Variants in FKBP3 observed in about 807,000 individuals in gnomAD.
The protein encoded by FKBP3 is peptidyl-prolyl cis-trans isomerase FKBP3.
FKBP3 carries 21 observed loss-of-function variants against 30.6 expected under a neutral mutation model. The ratio of observed to expected loss-of-function variants is 0.69; its 90% CI spans 0.49 to 0.99. The LOEUF (loss-of-function observed/expected upper bound fraction) is 0.99. Ranked by LOEUF, FKBP3 falls within the 50% of genes least tolerant of loss-of-function variation. The pLI is 0.00. For synonymous variants in FKBP3, 82 were observed against 91.3 expected (o/e 0.90, Z 0.58); for missense variants, 283 against 261.6 (o/e 1.08, Z -0.56).
chr14:45,130,825 CAAGAT>C (rs752322096), intron 1 of FKBP3, 25 bp from the exon 2 acceptor site: 58 of 1,379,180 alleles, frequency 4.2e-5, no homozygotes, highest in Non-Finnish European at 5.3e-5. Flanking sequence ...GCTGGGTAAT[CAAGAT>C]AACTTCTCCC....
chr14:45,123,602 CTTTTTTTTTTTTTTTTTT>C (rs200242313), intron 3 of FKBP3, among the ~76,000 whole-genome samples: 12 of 84,300 alleles, frequency 1.4e-4, no homozygotes, highest in Admixed American at 9.1e-4. Flanking sequence ...CTCTCTACTC[CTTTTTTTTTTTTTTTTTT>C]TTTTTTTTTT....
Position 45,130,775 on chromosome 14 carries a change from C to T in FKBP3, c.134G>A (p.Gly45Glu). The T allele has an allele frequency of 6.2e-7, 1 of 1,608,814 alleles. No homozygotes were observed. The highest frequency in any genetic ancestry group is 1.3e-5 in the African/African-American group (1 of 74,754). Residue 45 changes from glycine to glutamate, a missense_variant, in exon 2 of 7, where the codon GGA becomes GAA. Gly to Glu is a moderately conservative substitution (Grantham distance 98, BLOSUM62 -2). Coordinates refer to ENST00000396062, the MANE Select transcript of FKBP3 (RefSeq NM_002013.4). The part of the protein sequence containing the change: ...DSFLAEHKLL[G>E]NIKNVAKTAN... ...TGTCTTGGCCACATTTTTAATGTTTCCTAATAATTTATGTTCTGCAAGAAA... is the reference window on the plus strand; with the variant it reads ...TGTCTTGGCCACATTTTTAATGTTTTCTAATAATTTATGTTCTGCAAGAAA...
intron 1 of FKBP3, chr14:45,133,375 G>A (rs953266829): frequency 3.4e-5 from 9 of 267,602 alleles, no homozygotes; most frequent in African/African-American, 1.4e-4. Context: ...GCAGAGGCAG[G>A]AGAATCGTTT....
chr14:45,120,549 A>G (rs1884962152), intron 5 of FKBP3, among the ~76,000 whole-genome samples: 2 of 152,226 alleles, frequency 1.3e-5, no homozygotes, highest in Non-Finnish European at 2.9e-5. Context: ...TAGAGGGCCA[A>G]ACATTCTGAC....
rs1405689505 is a variant in FKBP3 at position 45,116,262 on chromosome 14, A to T, written c.621-10T>A. 6.8e-6 allele frequency: 11 copies of T among 1,610,106 alleles called. No homozygotes were observed. Among genetic ancestry groups the T allele is most frequent in the Admixed American group, 1.7e-5 (1 of 59,968 alleles). On this transcript the variant is annotated splice_polypyrimidine_tract_variant and intron_variant, in intron 6 of 6. Coordinates refer to ENST00000396062, the MANE Select transcript of FKBP3 (RefSeq NM_002013.4). ...TGCATTTGGTGGAATTCTGTTGAAG[A>T]AGTCAAGGTACATTTGATAAAAAGT... is the stretch of plus-strand genomic sequence containing the variant.
intron 1 of FKBP3, chr14:45,133,402 G>A: frequency 4.2e-6 from 1 of 240,316 alleles, no homozygotes; most frequent in Middle Eastern, 4.4e-4. Flanking sequence ...GGGAGGCGGA[G>A]GTTGCAGTGA....
chr14:45,116,318 A>AG (rs1699733375), intron 6 of FKBP3, 66 bp from the exon 7 acceptor site: 1 of 1,147,456 alleles, frequency 8.7e-7, no homozygotes. Flanking sequence ...ACCTTAGTGT[A>AG]GGATAGGCTG....
In FKBP3 at chr14:45,130,772, T is replaced by C. The variant is rs778255353; in HGVS notation, c.137A>G (p.Asn46Ser). Residue 46 changes from asparagine (N) to serine (S), a missense_variant, in exon 2 of 7, where the codon AAC becomes AGC. By Grantham distance (46) the Asn-to-Ser change is conservative (BLOSUM62 1). Transcript: ENST00000396062. ...AGCTGTCTTGGCCACATTTTTAATG[T>C]TTCCTAATAATTTATGTTCTGCAAG... ...SFLAEHKLLG[N>S]IKNVAKTANK... The C allele has an allele frequency of 6.2e-7, 1 of 1,610,194 alleles. No individual in the cohort carries two copies. The highest frequency in any genetic ancestry group is 1.1e-5 in the South Asian group (1 of 90,234).
chr14:45,129,208 G>A (rs1274121556), intron 3 of FKBP3, among the ~76,000 whole-genome samples: 1 of 152,136 alleles, frequency 6.6e-6, no homozygotes, highest in Non-Finnish European at 1.5e-5. Context: ...TAGATAGTAA[G>A]GTATTATCAG....
At chr14:45,123,041 A>T (rs1404191680) in intron 3 of FKBP3, among the ~76,000 whole-genome samples, 1 of 151,772 alleles carries the variant, frequency 6.6e-6, no homozygotes, top group African/African-American at 2.4e-5. Context: ...AAAAATACAA[A>T]AATTAGGTGG....
intron 6 of FKBP3, among the ~76,000 whole-genome samples, chr14:45,116,584 G>A (rs1473220238): frequency 2.6e-5 from 4 of 151,968 alleles, no homozygotes; most frequent in South Asian, 2.1e-4. Context: ...GGCCAGGTAC[G>A]GTAGCTCACA....
chr14:45,116,465 TG>T (rs138103531), intron 6 of FKBP3, among the ~76,000 whole-genome samples: 38 of 146,994 alleles, frequency 2.6e-4, no homozygotes, highest in South Asian at 1.3e-3. Context: ...TCATTCTAGC[TG>T]GGGGGGGGTG....
chr14:45,120,780 A>C, intron 5 of FKBP3, 107 bp downstream of exon 5: 1 of 882,510 alleles, frequency 1.1e-6, no homozygotes. Flanking sequence ...TCAGACTCCA[A>C]AGTCTGTTTC....
In FKBP3 at chr14:45,134,380, A is replaced by G; in HGVS notation, c.77T>C (p.Ile26Thr). ...RSEQLPKKDIIKFLQEHGSDS... is the reference protein window; with the variant it reads ...RSEQLPKKDITKFLQEHGSDS... ...TGAACCGTGTTCCTGCAGAAACTTG[A>G]TAATGTCCTTCTTGGGCAGCTGCTC... Residue 26 changes from isoleucine (I) to threonine (T), a missense_variant, in exon 1 of 7, where the codon ATC (isoleucine) becomes ACC (threonine). By Grantham distance (89) the Ile-to-Thr change is moderately conservative (BLOSUM62 -1). Transcript: ENST00000396062. 6.2e-7 allele frequency: 1 copy of G among 1,613,886 alleles called. No individual in the cohort carries two copies. Among genetic ancestry groups the G allele is most frequent in the Non-Finnish European group, 8.5e-7 (1 of 1,179,886 alleles).
intron 3 of FKBP3, among the ~76,000 whole-genome samples, chr14:45,122,663 C>T (rs2139080134): frequency 6.6e-6 from 1 of 151,892 alleles, no homozygotes; most frequent in East Asian, 2.0e-4. Flanking sequence ...GCCACCACGC[C>T]CAGCTCATTT....
rs1356212951 is a variant in FKBP3, at chr14:45,130,956, AAAGT to A, written c.109-160_109-157del. The A allele has an allele frequency of 3.3e-5, 16 of 488,660 alleles. No homozygotes were observed. The Admixed American group carries it at 4.5e-4, about 14-fold the overall frequency. 30.3% of individuals were successfully genotyped at this position (488,660 alleles called of 1,614,324 possible). A position where few individuals can be genotyped will look rare whatever the true frequency, so the allele number is the denominator to read the frequency against. On this transcript the variant is annotated intron_variant, in intron 1 of 6. Transcript: ENST00000396062. ...ATAGTTTATACTCTTTGTTACAAAA[AAAGT>A]AAGAGATTTTTTAAAAATTCGGTAT... is the stretch of plus-strand genomic sequence containing the variant.
At chr14:45,128,777 T>C (rs1007089920) in intron 3 of FKBP3, among the ~76,000 whole-genome samples, 1 of 152,230 alleles carries the variant, frequency 6.6e-6, no homozygotes, top group African/African-American at 2.4e-5. Context: ...TGAATTTACC[T>C]TTTATTTTCT....
rs1884989500 is a variant in FKBP3 at position 45,121,663 on chromosome 14, G to T, written c.319-43C>A. ...CACACACACACAGAGTTATTAATTT[G>T]TGTCCTTTAAAAGAATGACAAACAA... On this transcript the variant is annotated intron_variant, in intron 3 of 6. Transcript: ENST00000396062. 5.7e-6 allele frequency: 9 copies of T among 1,590,520 alleles called. No individual in the cohort carries two copies. The East Asian group carries it at 2.0e-4, about 36-fold the overall frequency.
chr14:45,125,663 G>A (rs1481463627), intron 3 of FKBP3, among the ~76,000 whole-genome samples: 1 of 152,082 alleles, frequency 6.6e-6, no homozygotes, highest in African/African-American at 2.4e-5. Context: ...TAAAATAAAG[G>A]TAGAAATAAA....
Sources: gnomAD v4.1 joint callset for allele counts (sites outside exome capture counted in the v4.1 genomes callset) on GRCh38, gnomAD v4.1.1 for gene constraint, MANE v1.5 for transcripts, NCBI Gene and HGNC (gene_info 2026-07-23, HGNC 2026-07-21) for gene names.